GFOD1: variants seen among roughly 807,000 people sequenced by gnomAD.
GFOD1 encodes the protein glucose-fructose oxidoreductase domain-containing protein 1.
GFOD1 carries 9 observed loss-of-function variants against 25.4 expected under a neutral mutation model. The observed-to-expected ratio is 0.35, with a 90% CI of 0.21 to 0.62. The LOEUF (loss-of-function observed/expected upper bound fraction) is 0.62, where lower values mean the gene tolerates loss of function less well. GFOD1 is among the 20% of genes least tolerant of loss of function. The probability of loss-of-function intolerance (pLI) is 0.72; values close to 1 mark genes in which losing one functional copy is unlikely to be tolerated. For synonymous variants in GFOD1, 253 were observed against 245.6 expected (o/e 1.03, Z -0.28); for missense variants, 403 against 556.9 (o/e 0.72, Z 2.78).
At chr6:13,476,167 A>C (rs1367071141) in intron 1 of GFOD1, among the ~76,000 whole-genome samples, 1 of 152,242 alleles carries the variant, frequency 6.6e-6, no homozygotes. Flanking sequence ...ATTATTCACA[A>C]TCACTTAACA....
chr6:13,396,476 C>A (rs1032931594), intron 1 of GFOD1, among the ~76,000 whole-genome samples: 11 of 152,120 alleles, frequency 7.2e-5, no homozygotes, highest in Non-Finnish European at 1.5e-4. Flanking sequence ...GAGTTGGTGC[C>A]AAGGATTCTG....
intron 1 of GFOD1, among the ~76,000 whole-genome samples, chr6:13,386,690 G>C (rs1175427243): frequency 6.6e-6 from 1 of 152,148 alleles, no homozygotes; most frequent in Non-Finnish European, 1.5e-5. Context: ...TGAATAATCA[G>C]CATATATGGG....
intron 1 of GFOD1, among the ~76,000 whole-genome samples, chr6:13,428,775 C>T (rs1279091214): frequency 6.6e-6 from 1 of 152,158 alleles, no homozygotes; most frequent in African/African-American, 2.4e-5. Context: ...CCTCCCCAAA[C>T]ACCACAGCCC....
At position 13,401,210 on chromosome 6, in the gene GFOD1, G is replaced by T. The variant is rs72826932; in HGVS notation, c.254-35548C>A. 2.0e-5 allele frequency among the ~76,000 whole-genome samples: 3 copies of T among 152,198 alleles called. 1 individual carries two copies. The South Asian group carries it at 6.2e-4, about 32-fold the overall frequency. On this transcript the variant is annotated intron_variant, in intron 1 of 1. Transcript: ENST00000379287. Reference sequence around the variant, plus strand: ...TAAAGCACAAAAAGGAAAAAAGAGGGACTCTTAGAAAACGGAGGAGACTTG... The same window carrying T: ...TAAAGCACAAAAAGGAAAAAAGAGGTACTCTTAGAAAACGGAGGAGACTTG...
chr6:13,466,924 ACACACATACACATATG>A lies in GFOD1; in HGVS notation c.253+19698_253+19713del, dbSNP rs565209212. On this transcript the variant is annotated intron_variant, in intron 1 of 1. Transcript: ENST00000379287. ...CAGATGTGCACACACACCCATGGGC[ACACACATACACATATG>A]CACACATACACACACGTATACATAC... Among the ~76,000 whole-genome samples, 624 of 152,304 alleles carry A rather than the reference ACACACATACACATATG, an allele frequency of 4.1e-3. 1 individual carries two copies. The highest frequency in any genetic ancestry group is 6.6e-3 in the Non-Finnish European group (449 of 68,018).
chr6:13,405,542 A>T (rs1234692418), intron 1 of GFOD1, among the ~76,000 whole-genome samples: 1 of 152,358 alleles, frequency 6.6e-6, no homozygotes, highest in South Asian at 2.1e-4. Context: ...ATGGGACAGC[A>T]CAGATTGAGA....
In GFOD1 at chr6:13,469,343, T is replaced by C. The variant is rs375271016; in HGVS notation, c.253+17295A>G. Reference sequence around the variant, plus strand: ...AAATAAGTTATAATCAACAGAGAAGTGAAGATCATGAAATAACATTTTCTC... The same window carrying C: ...AAATAAGTTATAATCAACAGAGAAGCGAAGATCATGAAATAACATTTTCTC... On this transcript the variant is annotated intron_variant, in intron 1 of 1. Coordinates refer to ENST00000379287, the MANE Select transcript of GFOD1 (RefSeq NM_018988.4). The C allele has an allele frequency of 2.6e-4, 254 of 985,162 alleles. No homozygotes were observed. The South Asian group carries it at 9.7e-3, about 38-fold the overall frequency. 61.0% of individuals were successfully genotyped at this position (985,162 alleles called of 1,614,324 possible). A position where few individuals can be genotyped will look rare whatever the true frequency, so the allele number is the denominator to read the frequency against.
chr6:13,366,683 A>T (rs1306972393), intron 1 of GFOD1, among the ~76,000 whole-genome samples: 1 of 150,958 alleles, frequency 6.6e-6, no homozygotes, highest in East Asian at 2.1e-4. Context: ...TTTAAGAGAC[A>T]GGGGTCTCCT....
At chr6:13,402,129 A>G (rs1427585985) in intron 1 of GFOD1, among the ~76,000 whole-genome samples, 4 of 152,250 alleles carry the variant, frequency 2.6e-5, no homozygotes, top group Non-Finnish European at 5.9e-5. Flanking sequence ...ACAACTGGCT[A>G]TCCACATGCA....
chr6:13,381,922 C>T (rs1330285412), intron 1 of GFOD1, among the ~76,000 whole-genome samples: 1 of 121,152 alleles, frequency 8.3e-6, no homozygotes, highest in Non-Finnish European at 1.6e-5. Flanking sequence ...CGCGCACACA[C>T]ACACACACAC....
chr6:13,411,087 G>A (rs768885807), intron 1 of GFOD1, among the ~76,000 whole-genome samples: 3 of 152,180 alleles, frequency 2.0e-5, no homozygotes, highest in Admixed American at 6.5e-5. Context: ...CTGTCATTGC[G>A]TTATAGGACA....
intron 1 of GFOD1, among the ~76,000 whole-genome samples, chr6:13,480,421 A>C (rs1758722547): frequency 6.6e-6 from 1 of 152,236 alleles, no homozygotes; most frequent in African/African-American, 2.4e-5. Context: ...CCAAAGGCAG[A>C]GAGCTATCTC....
chr6:13,374,494 C>A (rs1193863343), intron 1 of GFOD1, among the ~76,000 whole-genome samples: 3 of 151,708 alleles, frequency 2.0e-5, no homozygotes, highest in African/African-American at 7.3e-5. Flanking sequence ...TTAGTAGAGA[C>A]AGAGTTTCTC....
chr6:13,374,541 A>C (rs962872231), intron 1 of GFOD1, among the ~76,000 whole-genome samples: 5 of 151,532 alleles, frequency 3.3e-5, no homozygotes, highest in Admixed American at 3.3e-4. Context: ...CCTGACCTCA[A>C]GTGATCTGCC....
intron 1 of GFOD1, among the ~76,000 whole-genome samples, chr6:13,436,682 C>T (rs185114438): frequency 1.3e-3 from 194 of 152,260 alleles, no homozygotes; most frequent in Non-Finnish European, 2.3e-3. Context: ...AATGAATTTC[C>T]ACAAGTCGAT....
chr6:13,374,360 G>A (rs1584610793), intron 1 of GFOD1, among the ~76,000 whole-genome samples: 1 of 150,528 alleles, frequency 6.6e-6, no homozygotes, highest in Admixed American at 6.6e-5. Flanking sequence ...CTGGAGTGCA[G>A]TGGTACAATC....
At chr6:13,421,273 A>C (rs560246053) in intron 1 of GFOD1, among the ~76,000 whole-genome samples, 2 of 152,290 alleles carry the variant, frequency 1.3e-5, no homozygotes, top group African/African-American at 4.8e-5. Flanking sequence ...AGATCGCTTG[A>C]GCCCAGGAGT....
intron 1 of GFOD1, among the ~76,000 whole-genome samples, chr6:13,468,101 A>G (rs912450905): frequency 5.3e-5 from 8 of 152,196 alleles, no homozygotes; most frequent in African/African-American, 1.9e-4. Context: ...AAAACAAGAA[A>G]TTTAGAGAAG....
chr6:13,439,351 C>T (rs1276503088), intron 1 of GFOD1, among the ~76,000 whole-genome samples: 1 of 151,442 alleles, frequency 6.6e-6, no homozygotes, highest in African/African-American at 2.4e-5. Flanking sequence ...CCATTTCCCT[C>T]AATGCTTCTC....
Sources: gnomAD v4.1 joint callset for allele counts (sites outside exome capture counted in the v4.1 genomes callset) on GRCh38, gnomAD v4.1.1 for gene constraint, MANE v1.5 for transcripts, NCBI Gene and HGNC (gene_info 2026-07-23, HGNC 2026-07-21) for gene names.